Variants in SRC observed in about 807,000 individuals in gnomAD.
SRC encodes proto-oncogene tyrosine-protein kinase Src.
A neutral mutation model predicts 62.9 loss-of-function variants in SRC; 13 were observed. The observed-to-expected ratio is 0.21, with a 90% CI of 0.13 to 0.33. SRC has a LOEUF of 0.33. Ranked by LOEUF, SRC falls within the 10% of genes least tolerant of loss-of-function variation. The pLI, the probability that SRC is intolerant of heterozygous loss-of-function variation, is 1.00. For synonymous variants in SRC, 302 were observed against 317.5 expected, an observed-to-expected ratio of 0.95 and a Z score of 0.52; for missense variants, 457 against 737.3, an observed-to-expected ratio of 0.62 and a Z score of 4.40.
intron 5 of SRC, among the ~76,000 whole-genome samples, chr20:37,392,834 C>T (rs1161603608): frequency 6.6e-6 from 1 of 152,090 alleles, no homozygotes; most frequent in African/African-American, 2.4e-5. Context: ...CCCCCTCGTC[C>T]CCTGTCCCCA....
At position 37,396,133 on chromosome 20, in the gene SRC, C is replaced by T. The variant is rs372806161; in HGVS notation, c.554-29C>T. The T allele has an allele frequency of 2.5e-4, 394 of 1,605,482 alleles. 1 individual carries two copies. Among genetic ancestry groups the T allele is most frequent in the African/African-American group, 1.6e-3 (120 of 74,948 alleles). The stretch of plus-strand genomic sequence containing the variant: ...CGGCCTGCGGGGGGAGAGGGCATGG[C>T]GGTCACGGCTCCCCTCGGTGCCCCG... On this transcript the variant is annotated intron_variant, in intron 7 of 13. Coordinates refer to ENST00000373578, the MANE Select transcript of SRC (RefSeq NM_198291.3). The surrounding 1 kb of genome is among the most constrained non-coding windows in gnomAD (Gnocchi z 6.1).
chr20:37,351,511 C>G lies in SRC; in HGVS notation c.-247+5256C>G, dbSNP rs535080515. Reference sequence around the variant, plus strand: ...CTTTTGAACCCTTGGACCTGCTGGGCTATGAGGCTGGCACAGGCAGAATCC... The same window carrying G: ...CTTTTGAACCCTTGGACCTGCTGGGGTATGAGGCTGGCACAGGCAGAATCC... On this transcript the variant is annotated intron_variant, in intron 1 of 13. Transcript: ENST00000373578. This position sits in a 1 kb window ranked among gnomAD's most constrained non-coding sequence, Gnocchi z 4.4. 2.0e-5 allele frequency among the ~76,000 whole-genome samples: 3 copies of G among 152,208 alleles called. No individual in the cohort carries two copies. Among genetic ancestry groups the G allele is most frequent in the Admixed American group, 6.5e-5 (1 of 15,300 alleles).
chr20:37,386,049 C>T lies in SRC; in HGVS notation c.251-26C>T, dbSNP rs200926755. 96 of 1,594,782 alleles carry T rather than the reference C, an allele frequency of 6.0e-5. No individual in the cohort carries two copies. The Middle Eastern group carries it at 2.0e-3, about 33-fold the overall frequency. On this transcript the variant is annotated intron_variant, in intron 4 of 13. Coordinates refer to ENST00000373578, the MANE Select transcript of SRC (RefSeq NM_198291.3). Reference sequence around the variant, plus strand: ...CTTCCCTGGCTGTGGCCCCACTGTTCTGACACACCCCACCCCTCTCTGCAG... The same window carrying T: ...CTTCCCTGGCTGTGGCCCCACTGTTTTGACACACCCCACCCCTCTCTGCAG...
intron 2 of SRC, among the ~76,000 whole-genome samples, chr20:37,381,068 C>T (rs899013356): frequency 6.6e-5 from 10 of 152,132 alleles, no homozygotes; most frequent in African/African-American, 2.4e-4. Flanking sequence ...GGCCAGGATT[C>T]AAACCAGGGA....
At chr20:37,370,370 T>A (rs1306228838) in intron 2 of SRC, among the ~76,000 whole-genome samples, 1 of 152,104 alleles carries the variant, frequency 6.6e-6, no homozygotes, top group Non-Finnish European at 1.5e-5. Flanking sequence ...AGGTCAGGAG[T>A]TCGAAACCAG....
At chr20:37,345,062 G>A (rs550768082), upstream of SRC, among the ~76,000 whole-genome samples, 10 of 152,306 alleles carry the variant, frequency 6.6e-5, 1 homozygote, top group South Asian at 2.1e-3. Context: ...GCTCCTCCCA[G>A]CTCCTCTCAG....
In SRC at chr20:37,404,913, T is replaced by C. The variant is rs146402731; in HGVS notation, c.*1534T>C. On this transcript the variant is annotated 3_prime_UTR_variant, in exon 14 of 14. Transcript: ENST00000373578. ...GTGTGTGCATGTGTGCGTGTCTCCA[T>C]GTGCGTCCATATTTAACATGTAAAA... The C allele has an allele frequency of 2.0e-4, 47 of 233,690 alleles. No homozygotes were observed. Among genetic ancestry groups the C allele is most frequent in the African/African-American group, 9.0e-4 (41 of 45,376 alleles). 14.5% of individuals were successfully genotyped at this position (233,690 alleles called of 1,614,324 possible).
intron 2 of SRC, among the ~76,000 whole-genome samples, chr20:37,375,602 C>T (rs943219285): frequency 3.3e-5 from 5 of 151,442 alleles, no homozygotes; most frequent in Non-Finnish European, 4.4e-5. Context: ...ATGAAACTCA[C>T]GGGCTCCAGC....
rs1395244751 is a variant in SRC at position 37,398,936 on chromosome 20, C to T, written c.859+1082C>T. ...GAGCCCCAACCCTCGGACGGAGGCC[C>T]AGCGACTGGGAGGAACGGGCCCAAG... On this transcript the variant is annotated intron_variant, in intron 9 of 13. Transcript: ENST00000373578. This position sits in a 1 kb window ranked among gnomAD's most constrained non-coding sequence, Gnocchi z 5.2. 6.6e-6 allele frequency among the ~76,000 whole-genome samples: 1 copy of T among 152,218 alleles called. No homozygotes were observed. The highest frequency in any genetic ancestry group is 1.9e-4 in the East Asian group (1 of 5,204).
In SRC at chr20:37,402,503, C is replaced by T; in HGVS notation, c.1185C>T (p.Ile395=). The T allele has an allele frequency of 6.2e-6, 10 of 1,614,052 alleles. No homozygotes were observed. Among genetic ancestry groups the T allele is most frequent in the South Asian group, 1.1e-5 (1 of 91,054 alleles). The change falls in exon 12 of 14, where the codon ATC becomes ATT. Residue 395 remains isoleucine (I), a synonymous_variant. Coordinates refer to ENST00000373578, the MANE Select transcript of SRC (RefSeq NM_198291.3). The surrounding 1 kb of genome is among the most constrained non-coding windows in gnomAD (Gnocchi z 6.2). ...YVHRDLRAAN[I]LVGENLVCKV... is the part of the protein sequence containing the mutation. ...ACCGGGACCTTCGTGCAGCCAACAT[C>T]CTGGTGGGAGAGAACCTGGTGTGCA...
chr20:37,350,167 G>A (rs993279678), intron 1 of SRC, among the ~76,000 whole-genome samples: 5 of 151,984 alleles, frequency 3.3e-5, no homozygotes, highest in Admixed American at 2.0e-4. Context: ...CCTTATCTCC[G>A]TGGGAAACCC....
At position 37,398,005 on chromosome 20, in the gene SRC, G is replaced by A. The variant is rs1233696092; in HGVS notation, c.859+151G>A. On this transcript the variant is annotated intron_variant, in intron 9 of 13. Coordinates refer to ENST00000373578, the MANE Select transcript of SRC (RefSeq NM_198291.3). The surrounding 1 kb of genome is among the most constrained non-coding windows in gnomAD (Gnocchi z 5.2). ...GAGCTCCCCAGCGGTGGCTGGCACC[G>A]AGTTGGGTTGTGGCCACCCAAGCAC... 9.3e-6 allele frequency: 10 copies of A among 1,076,742 alleles called. No homozygotes were observed. The highest frequency in any genetic ancestry group is 8.2e-5 in the South Asian group (5 of 61,084). 66.7% of individuals were successfully genotyped at this position (1,076,742 alleles called of 1,614,324 possible). A position where few individuals can be genotyped will look rare whatever the true frequency, so the allele number is the denominator to read the frequency against.
At chr20:37,380,562 T>C (rs942577414) in intron 2 of SRC, among the ~76,000 whole-genome samples, 1 of 152,210 alleles carries the variant, frequency 6.6e-6, no homozygotes, top group Non-Finnish European at 1.5e-5. Context: ...GTCTTTTCAG[T>C]GTGGCATTGC....
chr20:37,388,994 G>A (rs2070500852), intron 5 of SRC, among the ~76,000 whole-genome samples: 1 of 152,132 alleles, frequency 6.6e-6, no homozygotes, highest in Admixed American at 6.5e-5. Flanking sequence ...ATCTAGCATG[G>A]GGCCCAGGCA....
Position 37,402,327 on chromosome 20 carries a change from G to A in SRC, c.1117-108G>A. On this transcript the variant is annotated intron_variant, in intron 11 of 13. Coordinates refer to ENST00000373578, the MANE Select transcript of SRC (RefSeq NM_198291.3). This position sits in a 1 kb window ranked among gnomAD's most constrained non-coding sequence, Gnocchi z 6.2. Reference sequence around the variant, plus strand: ...ACTGACCTCACTTGCCTGAAGAAGTGTGGGGAGGGTGGGGAAGGGGTGGTT... The same window carrying A: ...ACTGACCTCACTTGCCTGAAGAAGTATGGGGAGGGTGGGGAAGGGGTGGTT... The A allele has an allele frequency of 7.3e-7, 1 of 1,378,054 alleles. No individual in the cohort carries two copies. The highest frequency in any genetic ancestry group is 2.3e-5 in the East Asian group (1 of 43,288). 85.4% of individuals were successfully genotyped at this position (1,378,054 alleles called of 1,614,324 possible).
At chr20:37,373,041 TAC>T (rs1245609293) in intron 2 of SRC, among the ~76,000 whole-genome samples, 2 of 151,890 alleles carry the variant, frequency 1.3e-5, no homozygotes, top group Non-Finnish European at 2.9e-5. Flanking sequence ...TATACACATA[TAC>T]ACATATATAC....
rs539439833 is a variant in SRC, at chr20:37,404,545, C to T, written c.*1166C>T. ...CTCCCCAAGTCGGCACCCTTTAACT[C>T]ATGAGGAGGGAAAAGAGTGCCTAAG... On this transcript the variant is annotated 3_prime_UTR_variant, in exon 14 of 14. Transcript: ENST00000373578. 5 of 233,730 alleles carry T rather than the reference C, an allele frequency of 2.1e-5. No individual in the cohort carries two copies. Among genetic ancestry groups the T allele is most frequent in the African/African-American group, 1.1e-4 (5 of 45,472 alleles). The allele number at this position is 233,730 out of a possible 1,614,324, so 14.5% of individuals were successfully genotyped here. A position where few individuals can be genotyped will look rare whatever the true frequency, so the allele number is the denominator to read the frequency against.
Position 37,361,835 on chromosome 20 carries a change from GTAGAGAT to G in SRC, c.-246-3368_-246-3362del, listed in dbSNP as rs2069976991. On this transcript the variant is annotated intron_variant, in intron 1 of 13. Coordinates refer to ENST00000373578, the MANE Select transcript of SRC (RefSeq NM_198291.3). ...GGGGTCTCTGTGTGCAGGTAGAGAT[GTAGAGAT>G]GCCGGGGTCTCTGTGTGCAGGTAGA... 5.5e-5 allele frequency among the ~76,000 whole-genome samples: 2 copies of G among 36,242 alleles called. 1 individual carries two copies. The highest frequency in any genetic ancestry group is 7.0e-4 in the African/African-American group (2 of 2,866). The allele number at this position is 36,242 out of a possible 152,430, so 23.8% of individuals were successfully genotyped here.
intron 5 of SRC, among the ~76,000 whole-genome samples, chr20:37,387,169 C>G (rs180833154): frequency 6.6e-6 from 1 of 152,188 alleles, no homozygotes; most frequent in African/African-American, 2.4e-5. Flanking sequence ...TCCACTGCCC[C>G]GAGCGTGTCT....
Sources: allele counts gnomAD v4.1 joint callset (sites outside exome capture counted in the v4.1 genomes callset), GRCh38; gene constraint gnomAD v4.1.1; non-coding constraint Gnocchi (gnomAD v3.1); transcripts MANE v1.5; gene names NCBI Gene and HGNC (gene_info 2026-07-23, HGNC 2026-07-21).